The following RERE variants were observed in gnomAD, a reference collection of about 807,000 sequenced individuals.
The protein encoded by RERE is arginine-glutamic acid dipeptide repeats, also known as arginine-glutamic acid dipeptide repeats protein.
A neutral mutation model predicts 146.1 loss-of-function variants in RERE; 40 were observed. The ratio of observed to expected loss-of-function variants is 0.27; its 90% CI spans 0.21 to 0.36. RERE has a LOEUF of 0.36. RERE is among the 10% of genes least tolerant of loss of function. The pLI, the probability that RERE is intolerant of heterozygous loss-of-function variation, is 1.00. For synonymous variants in RERE, 1,003 were observed against 866.0 expected, an observed-to-expected ratio of 1.16 and a Z score of -2.78; for missense variants, 1,933 against 2,138.7, an observed-to-expected ratio of 0.90 and a Z score of 1.90.
chr1:8,609,952 A>T (rs1646771571), intron 4 of RERE, among the ~76,000 whole-genome samples: 1 of 152,034 alleles, frequency 6.6e-6, no homozygotes. Flanking sequence ...ATTTTTTCGC[A>T]GAGATGGGAT....
chr1:8,487,777 T>C (rs571027028), intron 10 of RERE, among the ~76,000 whole-genome samples: 35 of 152,298 alleles, frequency 2.3e-4, no homozygotes, highest in Non-Finnish European at 3.5e-4. Flanking sequence ...ACGACATGTT[T>C]AGCAGGACCA....
At position 8,401,038 on chromosome 1, in the gene RERE, C is replaced by CATAT. The variant is rs59752248; in HGVS notation, c.1284+21685_1284+21688dup. ...GTCTCAAAAAAAAAAAAAAAAAAAC[C>CATAT]ATATATATATATATATATATATATA... On this transcript the variant is annotated intron_variant, in intron 12 of 22. Coordinates refer to ENST00000400908, the MANE Select transcript of RERE (RefSeq NM_001042681.2). 4.2e-3 allele frequency among the ~76,000 whole-genome samples: 244 copies of CATAT among 57,448 alleles called. 9 individuals are homozygous for CATAT. Among genetic ancestry groups the CATAT allele is most frequent in the African/African-American group, 6.4e-3 (114 of 17,910 alleles). The allele number at this position is 57,448 out of a possible 152,430, so 37.7% of individuals were successfully genotyped here.
At chr1:8,740,834 C>A (rs1236974611) in intron 1 of RERE, among the ~76,000 whole-genome samples, 1 of 152,158 alleles carries the variant, frequency 6.6e-6, no homozygotes. Flanking sequence ...ATAACAATGC[C>A]TTCTTCTGGA....
intron 1 of RERE, among the ~76,000 whole-genome samples, chr1:8,793,157 CAAAAAA>C (rs1015889392): frequency 2.0e-5 from 1 of 49,312 alleles, no homozygotes; most frequent in Non-Finnish European, 4.6e-5. Flanking sequence ...ACTCCATCTC[CAAAAAA>C]AAAAAAAAAA....
At chr1:8,457,464 G>A (rs1308330402) in intron 11 of RERE, among the ~76,000 whole-genome samples, 1 of 152,072 alleles carries the variant, frequency 6.6e-6, no homozygotes, top group Non-Finnish European at 1.5e-5. Context: ...TTGCATGCAG[G>A]GTGTTAGGAA....
intron 1 of RERE, among the ~76,000 whole-genome samples, chr1:8,708,916 T>G (rs989781621): frequency 1.5e-5 from 2 of 135,004 alleles, no homozygotes; most frequent in Non-Finnish European, 3.2e-5. Context: ...TTTTTTTTTT[T>G]TTTTTTTTTT....
chr1:8,394,256 CCATT>C (rs1201158765), intron 12 of RERE, among the ~76,000 whole-genome samples: 1 of 152,146 alleles, frequency 6.6e-6, no homozygotes, highest in Non-Finnish European at 1.5e-5. Flanking sequence ...AGAGCTTTCC[CCATT>C]ATTAAAAAGC....
chr1:8,721,884 G>A (rs1489039638), intron 1 of RERE, among the ~76,000 whole-genome samples: 3 of 152,234 alleles, frequency 2.0e-5, no homozygotes, highest in South Asian at 4.1e-4. Flanking sequence ...GCAGTAACAC[G>A]GAGCTGAACA....
chr1:8,787,235 C>G (rs997938853), intron 1 of RERE, among the ~76,000 whole-genome samples: 3 of 152,204 alleles, frequency 2.0e-5, no homozygotes, highest in Non-Finnish European at 4.4e-5. Flanking sequence ...CTGGAAGGCT[C>G]TATTCCTATA....
rs1381503085 is a variant in RERE, at chr1:8,532,054, T to G, written c.830+9160A>C. Among the ~76,000 whole-genome samples the G allele has an allele frequency of 2.0e-5, 3 of 152,246 alleles. No homozygotes were observed. The East Asian group carries it at 5.8e-4, about 29-fold the overall frequency. ...TCTCATGTACCACATACATACGCTA[T>G]GTATCCACAAAAATTAAAAATTAAG... On this transcript the variant is annotated intron_variant, in intron 7 of 22. Transcript: ENST00000400908.
chr1:8,789,407 C>G (rs1332861758), intron 1 of RERE, among the ~76,000 whole-genome samples: 1 of 149,966 alleles, frequency 6.7e-6, no homozygotes, highest in East Asian at 1.9e-4. Context: ...TACTACCTCT[C>G]TTTCCTTCAG....
intron 8 of RERE, among the ~76,000 whole-genome samples, chr1:8,501,075 C>G (rs1211137309): frequency 3.3e-5 from 4 of 119,724 alleles, no homozygotes; most frequent in Non-Finnish European, 6.9e-5. Context: ...CCGCCCCGTC[C>G]GGGAGGTGAG....
chr1:8,559,126 A>AGCCG (rs1280158966), intron 4 of RERE, among the ~76,000 whole-genome samples: 3 of 151,070 alleles, frequency 2.0e-5, no homozygotes, highest in Non-Finnish European at 3.0e-5. Context: ...AAGTAAATAC[A>AGCCG]AAAATTAGCC....
intron 10 of RERE, among the ~76,000 whole-genome samples, chr1:8,483,168 A>G (rs1490786324): frequency 3.9e-5 from 6 of 152,224 alleles, no homozygotes; most frequent in African/African-American, 9.6e-5. Flanking sequence ...CAAATAAAAA[A>G]TCCTGAACGA....
chr1:8,561,868 G>A (rs1646082901), intron 4 of RERE, among the ~76,000 whole-genome samples: 1 of 152,162 alleles, frequency 6.6e-6, no homozygotes, highest in Non-Finnish European at 1.5e-5. Context: ...GAAGAATTTT[G>A]TTCAAAATCA....
intron 11 of RERE, among the ~76,000 whole-genome samples, chr1:8,459,721 C>T (rs892324073): frequency 1.3e-5 from 2 of 152,052 alleles, no homozygotes; most frequent in African/African-American, 4.8e-5. Context: ...TGTGAGACGA[C>T]GTGTTAGTGG....
intron 3 of RERE, among the ~76,000 whole-genome samples, chr1:8,616,455 T>C (rs1478159905): frequency 6.6e-6 from 1 of 152,142 alleles, no homozygotes; most frequent in Non-Finnish European, 1.5e-5. Flanking sequence ...AATTACAAAT[T>C]TCCAATTGAA....
chr1:8,502,040 G>T (rs1190263997), intron 8 of RERE, among the ~76,000 whole-genome samples: 1 of 113,360 alleles, frequency 8.8e-6, no homozygotes, highest in African/African-American at 3.3e-5. Context: ...GAGGTGGGGG[G>T]GGTCAGCCCC....
chr1:8,544,713 T>C (rs972389772), intron 6 of RERE, among the ~76,000 whole-genome samples: 2 of 152,126 alleles, frequency 1.3e-5, no homozygotes, highest in African/African-American at 4.8e-5. Context: ...TTTCTGAAAA[T>C]GTACACTTAA....
Sources: allele counts gnomAD v4.1 joint callset (sites outside exome capture counted in the v4.1 genomes callset), GRCh38; gene constraint gnomAD v4.1.1; transcripts MANE v1.5; gene names NCBI Gene and HGNC (gene_info 2026-07-23, HGNC 2026-07-21).